The following SPOCK3 variants were observed in gnomAD, a reference collection of about 807,000 sequenced individuals.
SPOCK3 encodes the protein SPARC (osteonectin), cwcv and kazal like domains proteoglycan 3, also known as testican-3.
SPOCK3 carries 30 observed loss-of-function variants against 56.6 expected under a neutral mutation model. That is an observed-to-expected ratio of 0.53 (90% CI 0.40 to 0.72). The LOEUF is 0.72. Ranked by LOEUF, SPOCK3 falls within the 30% of genes least tolerant of loss-of-function variation. The pLI is 0.00. For synonymous variants in SPOCK3, 196 were observed against 183.3 expected (o/e 1.07, Z -0.56); for missense variants, 527 against 530.0 (o/e 0.99, Z 0.06).
intron 2 of SPOCK3, among the ~76,000 whole-genome samples, chr4:167,182,811 C>T (rs1003874979): frequency 1.3e-5 from 2 of 152,190 alleles, no homozygotes; most frequent in African/African-American, 4.8e-5. Flanking sequence ...GCTGGGATTA[C>T]AGGCGTGAGC....
intron 2 of SPOCK3, among the ~76,000 whole-genome samples, chr4:167,218,160 T>C (rs914547546): frequency 1.3e-5 from 2 of 152,146 alleles, no homozygotes; most frequent in African/African-American, 2.4e-5. Context: ...TGAATAGCAC[T>C]TAAAAGCTAT....
intron 7 of SPOCK3, among the ~76,000 whole-genome samples, chr4:166,783,096 C>T (rs986567304): frequency 4.6e-5 from 7 of 152,156 alleles, no homozygotes; most frequent in African/African-American, 1.7e-4. Flanking sequence ...TGGTGGCTCA[C>T]TCCTGTAGTC....
At chr4:167,162,930 C>G (rs903773458) in intron 2 of SPOCK3, among the ~76,000 whole-genome samples, 3 of 151,744 alleles carry the variant, frequency 2.0e-5, no homozygotes, top group Admixed American at 1.3e-4. Context: ...GTGGCAATGA[C>G]AGCTTATTTT....
intron 6 of SPOCK3, among the ~76,000 whole-genome samples, chr4:166,878,245 A>G (rs1263828644): frequency 1.3e-5 from 2 of 152,118 alleles, no homozygotes; most frequent in Non-Finnish European, 2.9e-5. Context: ...CGCCACTGCA[A>G]TCCACCCTGG....
intron 4 of SPOCK3, among the ~76,000 whole-genome samples, chr4:166,983,691 T>C (rs934101646): frequency 1.3e-5 from 2 of 152,040 alleles, no homozygotes; most frequent in African/African-American, 4.8e-5. Flanking sequence ...CCATGATATA[T>C]GTATAATAAT....
At chr4:167,104,183 C>T (rs202203138) in intron 2 of SPOCK3, among the ~76,000 whole-genome samples, 2 of 152,224 alleles carry the variant, frequency 1.3e-5, no homozygotes, top group East Asian at 1.9e-4. Context: ...CACCAACAAA[C>T]GTCAACAGCC....
intron 6 of SPOCK3, among the ~76,000 whole-genome samples, chr4:166,808,404 G>A (rs1278869213): frequency 6.6e-6 from 1 of 151,880 alleles, no homozygotes. Flanking sequence ...ATATAGGTGG[G>A]GCCCTAATGT....
chr4:166,791,797 A>C (rs867887032), intron 7 of SPOCK3, among the ~76,000 whole-genome samples: 23 of 152,270 alleles, frequency 1.5e-4, no homozygotes, highest in African/African-American at 5.1e-4. Flanking sequence ...AATCTTGGAA[A>C]GGCTACCATA....
At chr4:167,207,387 T>C (rs1734451436) in intron 2 of SPOCK3, among the ~76,000 whole-genome samples, 1 of 151,978 alleles carries the variant, frequency 6.6e-6, no homozygotes, top group African/African-American at 2.4e-5. Flanking sequence ...ATTAACAGAA[T>C]ACTGTCTAAC....
At chr4:166,920,128 T>A (rs1486063396) in intron 4 of SPOCK3, among the ~76,000 whole-genome samples, 1 of 152,160 alleles carries the variant, frequency 6.6e-6, no homozygotes, top group Non-Finnish European at 1.5e-5. Context: ...GGGTTATCCT[T>A]TCCACTGGGC....
intron 6 of SPOCK3, among the ~76,000 whole-genome samples, chr4:166,860,610 A>C (rs114935709): frequency 2.6e-5 from 4 of 151,780 alleles, no homozygotes; most frequent in Non-Finnish European, 5.9e-5. Context: ...ATGATGTTTG[A>C]TATATCATAC....
rs138917027 is a variant in SPOCK3, at chr4:166,930,094, A to C, written c.351-17351T>G. The stretch of plus-strand genomic sequence containing the variant: ...GCTCTCTGACTCCTTAATTCTATAT[A>C]CTATTTTTATTGAATCTTTTTTCTG... On this transcript the variant is annotated intron_variant, in intron 4 of 10. Transcript: ENST00000357545. Among the ~76,000 whole-genome samples, 267 of 152,186 alleles carry C rather than the reference A, an allele frequency of 1.8e-3. 7 individuals are homozygous for C. In the East Asian group the frequency reaches 0.032, roughly 18 times the overall value.
intron 8 of SPOCK3, 117 bp downstream of exon 8, chr4:166,754,391 A>C: frequency 3.5e-6 from 5 of 1,408,774 alleles, no homozygotes; most frequent in Non-Finnish European, 3.7e-6. Context: ...CAACACTTGA[A>C]TTACAAAAAC....
At chr4:166,841,529 T>C (rs1747331509) in intron 6 of SPOCK3, among the ~76,000 whole-genome samples, 1 of 152,208 alleles carries the variant, frequency 6.6e-6, no homozygotes, top group Non-Finnish European at 1.5e-5. Flanking sequence ...TTTAAACCTA[T>C]TTAGTTTTCT....
chr4:167,051,367 A>G (rs1174280818), intron 3 of SPOCK3, among the ~76,000 whole-genome samples: 1 of 152,196 alleles, frequency 6.6e-6, no homozygotes, highest in Non-Finnish European at 1.5e-5. Flanking sequence ...TTCAATCTTA[A>G]TAATTCTTCT....
chr4:166,765,851 C>G (rs1737955252), intron 7 of SPOCK3, among the ~76,000 whole-genome samples: 1 of 152,142 alleles, frequency 6.6e-6, no homozygotes, highest in Admixed American at 6.6e-5. Context: ...TTTGTATCCT[C>G]TTTTATTTTG....
At chr4:166,878,447 G>A (rs10021984) in intron 6 of SPOCK3, among the ~76,000 whole-genome samples, 11,702 of 151,290 alleles carry the variant, frequency 0.077, 540 homozygotes, top group Non-Finnish European at 0.1. Flanking sequence ...GGCAACATAG[G>A]CCAATAAATT....
intron 3 of SPOCK3, among the ~76,000 whole-genome samples, chr4:167,028,341 C>T (rs572852524): frequency 3.0e-4 from 46 of 151,722 alleles, no homozygotes; most frequent in Non-Finnish European, 6.0e-4. Flanking sequence ...CACAATGCTG[C>T]ACTCCAGCCT....
intron 4 of SPOCK3, among the ~76,000 whole-genome samples, chr4:166,953,932 T>C (rs1743052754): frequency 6.6e-6 from 1 of 151,976 alleles, no homozygotes; most frequent in Non-Finnish European, 1.5e-5. Flanking sequence ...CTGGGGACTG[T>C]TGTGGGGTGC....
Sources: gnomAD v4.1 joint callset for allele counts (sites outside exome capture counted in the v4.1 genomes callset) on GRCh38, gnomAD v4.1.1 for gene constraint, MANE v1.5 for transcripts, NCBI Gene and HGNC (gene_info 2026-07-23, HGNC 2026-07-21) for gene names.